The following CTNNA2 variants were observed in gnomAD, a reference collection of about 807,000 sequenced individuals.
The protein encoded by CTNNA2 is catenin alpha 2.
Under a neutral mutation model 101.0 loss-of-function variants are expected in CTNNA2, and 42 were observed. The observed-to-expected ratio is 0.42, with a 90% confidence interval of 0.32 to 0.54. CTNNA2 has a LOEUF of 0.54. Ranked by LOEUF, CTNNA2 falls within the 20% of genes least tolerant of loss-of-function variation. The probability of loss-of-function intolerance (pLI) is 0.14; values close to 1 mark genes in which losing one functional copy is unlikely to be tolerated. For missense variants in CTNNA2, 871 were observed against 1,223.1 expected, an observed-to-expected ratio of 0.71 and a Z score of 4.29; for synonymous variants, 450 against 456.4, an observed-to-expected ratio of 0.99 and a Z score of 0.18.
chr2:79,545,758 A>C (rs1025297426), intron 1 of CTNNA2, among the ~76,000 whole-genome samples: 4 of 152,222 alleles, frequency 2.6e-5, no homozygotes, highest in African/African-American at 9.6e-5. Flanking sequence ...GAAGTGACTG[A>C]AAGTGAAGTA....
chr2:80,540,834 AC>A (rs1365576956), intron 9 of CTNNA2, among the ~76,000 whole-genome samples: 1 of 152,046 alleles, frequency 6.6e-6, no homozygotes, highest in Non-Finnish European at 1.5e-5. Flanking sequence ...ATTTTGGATT[AC>A]AGGTGTGTGC....
chr2:79,293,840 A>G (rs1675896192), intron 2 of CTNNA2, among the ~76,000 whole-genome samples: 1 of 152,206 alleles, frequency 6.6e-6, no homozygotes, highest in African/African-American at 2.4e-5. Flanking sequence ...GCTATGAAAT[A>G]CAAATAATTC....
intron 13 of CTNNA2, chr2:80,578,950 C>T (rs555890400): frequency 1.3e-5 from 2 of 152,226 alleles, no homozygotes; most frequent in South Asian, 4.1e-4. Flanking sequence ...TTATCACCAT[C>T]ATTTATGAAT....
intron 1 of CTNNA2, among the ~76,000 whole-genome samples, chr2:79,630,364 T>G (rs1679606550): frequency 6.6e-6 from 1 of 152,126 alleles, no homozygotes; most frequent in African/African-American, 2.4e-5. Context: ...CCAAGAACAT[T>G]TAAAACAGTG....
At chr2:80,027,379 C>CCA (rs941907698) in intron 7 of CTNNA2, among the ~76,000 whole-genome samples, 1 of 152,154 alleles carries the variant, frequency 6.6e-6, no homozygotes, top group African/African-American at 2.4e-5. Context: ...GGTGGCCAGC[C>CCA]CACATGGGGC....
intron 7 of CTNNA2, chr2:80,163,152 G>A: frequency 6.5e-7 from 1 of 1,534,926 alleles, no homozygotes. Context: ...GGCCCAGCCT[G>A]GTGGAAAACC....
In CTNNA2 at chr2:80,303,972, C is replaced by A; in HGVS notation, c.1057-89239C>A. 1.1e-6 allele frequency: 1 copy of A among 918,378 alleles called. No homozygotes were observed. The highest frequency in any genetic ancestry group is 1.5e-6 in the Non-Finnish European group (1 of 651,066). 56.9% of individuals were successfully genotyped at this position (918,378 alleles called of 1,614,324 possible). The stretch of plus-strand genomic sequence containing the variant: ...ATACATAGAAATAAAGAAGGACCCC[C>A]CTCCCCAAAAACCACACGTTCACCT... On this transcript the variant is annotated intron_variant, in intron 7 of 18. Transcript: ENST00000402739. This position sits in a 1 kb window ranked among gnomAD's most constrained non-coding sequence, Gnocchi z 7.7.
intron 1 of CTNNA2, among the ~76,000 whole-genome samples, chr2:79,539,744 G>A (rs142138509): frequency 1.7e-3 from 253 of 152,162 alleles, no homozygotes; most frequent in African/African-American, 5.6e-3. Context: ...TTGTGGACCA[G>A]AACTATCTGT....
intron 4 of CTNNA2, among the ~76,000 whole-genome samples, chr2:79,497,114 C>T (rs191378886): frequency 9.9e-5 from 15 of 152,254 alleles, no homozygotes; most frequent in African/African-American, 3.1e-4. Flanking sequence ...CTGGATCCAA[C>T]GTGTACCATA....
chr2:79,440,343 C>T (rs1377153470), intron 4 of CTNNA2, among the ~76,000 whole-genome samples: 4 of 152,138 alleles, frequency 2.6e-5, no homozygotes, highest in East Asian at 3.9e-4. Flanking sequence ...GTCTGGGATA[C>T]ATTCCCAGCT....
intron 7 of CTNNA2, among the ~76,000 whole-genome samples, chr2:80,293,280 G>T (rs1230191713): frequency 6.6e-6 from 1 of 152,176 alleles, no homozygotes. Context: ...CCAGCTCTGT[G>T]TGCTGCTGAG....
rs1009412688 is a variant in CTNNA2 at position 80,023,872 on chromosome 2, G to C, written c.1056+114075G>C. 2.0e-5 allele frequency among the ~76,000 whole-genome samples: 3 copies of C among 151,594 alleles called. No individual in the cohort carries two copies. In the South Asian group the frequency reaches 6.3e-4, roughly 32 times the overall value. On this transcript the variant is annotated intron_variant, in intron 7 of 18. Transcript: ENST00000402739. ...GGAGGCCGAGGCGGGCGGATCACGA[G>C]GTCAGGAGATCGAGACCATCCTGGC...
At chr2:79,840,432 T>C (rs1432738741) in intron 3 of CTNNA2, among the ~76,000 whole-genome samples, 1 of 152,220 alleles carries the variant, frequency 6.6e-6, no homozygotes, top group Non-Finnish European at 1.5e-5. Flanking sequence ...TGCTAATTTC[T>C]TTTTCTTTCT....
intron 7 of CTNNA2, among the ~76,000 whole-genome samples, chr2:80,275,865 A>T (rs898022345): frequency 6.6e-6 from 1 of 152,172 alleles, no homozygotes; most frequent in African/African-American, 2.4e-5. Flanking sequence ...TTACTTAATG[A>T]CATATTATTT....
At chr2:79,262,797 C>T (rs17705745) in intron 2 of CTNNA2, among the ~76,000 whole-genome samples, 58,378 of 151,946 alleles carry the variant, frequency 0.38, 12,061 homozygotes, top group Non-Finnish European at 0.46. Context: ...TGTAAACTTT[C>T]ATAATCAGCA....
At chr2:80,380,028 CTTTTTTTTTT>C (rs769794108) in intron 7 of CTNNA2, among the ~76,000 whole-genome samples, 2 of 86,542 alleles carry the variant, frequency 2.3e-5, no homozygotes, top group East Asian at 3.8e-4. Flanking sequence ...TCGAGATGTA[CTTTTTTTTTT>C]TTTTTTTTTT....
intron 4 of CTNNA2, among the ~76,000 whole-genome samples, chr2:79,415,368 C>A (rs760737397): frequency 6.6e-6 from 1 of 152,116 alleles, no homozygotes; most frequent in Non-Finnish European, 1.5e-5. Context: ...TCCTGTACAG[C>A]CTGAAGAATG....
At chr2:79,717,736 CA>C (rs1267270949) in intron 2 of CTNNA2, among the ~76,000 whole-genome samples, 1 of 152,066 alleles carries the variant, frequency 6.6e-6, no homozygotes, top group African/African-American at 2.4e-5. Context: ...GTTGAAGTGT[CA>C]GAATTAGTGA....
At chr2:80,615,392 CA>C (rs1393798537) in intron 17 of CTNNA2, among the ~76,000 whole-genome samples, 1 of 151,512 alleles carries the variant, frequency 6.6e-6, no homozygotes, top group Non-Finnish European at 1.5e-5. Flanking sequence ...TCAACATTTC[CA>C]TTGCATCCCT....
Sources: gnomAD v4.1 joint callset for allele counts (sites outside exome capture counted in the v4.1 genomes callset) on GRCh38, gnomAD v4.1.1 for gene constraint, Gnocchi (gnomAD v3.1) non-coding constraint, MANE v1.5 for transcripts, NCBI Gene and HGNC (gene_info 2026-07-23, HGNC 2026-07-21) for gene names.